PIK3C2G: variants seen among roughly 807,000 people sequenced by gnomAD.
PIK3C2G encodes the protein phosphatidylinositol-4-phosphate 3-kinase catalytic subunit type 2 gamma.
Under a neutral mutation model 181.1 loss-of-function variants are expected in PIK3C2G, and 168 were observed. That is an observed-to-expected ratio of 0.93 (90% CI 0.82 to 1.05). The LOEUF is 1.05. PIK3C2G is among the 50% of genes least tolerant of loss of function. The pLI is 0.00. For synonymous variants in PIK3C2G, 573 were observed against 592.2 expected (o/e 0.97, Z 0.47); for missense variants, 1,869 against 1,732.8 (o/e 1.08, Z -1.40).
the PIK3C2G span, among the ~76,000 whole-genome samples, chr12:18,666,492 A>G: frequency 2.0e-5 from 3 of 152,178 alleles, no homozygotes; most frequent in Non-Finnish European, 2.9e-5. Context: ...AGGACATTAT[A>G]TAATATAAAA....
At chr12:18,273,824 A>T (rs1948853428) in intron 1 of PIK3C2G, among the ~76,000 whole-genome samples, 1 of 152,176 alleles carries the variant, frequency 6.6e-6, no homozygotes, top group Admixed American at 6.6e-5. Context: ...TAAACTAAAT[A>T]GCTTCTGCAG....
At chr12:18,377,458 G>T (rs1438994165) in intron 13 of PIK3C2G, among the ~76,000 whole-genome samples, 1 of 152,136 alleles carries the variant, frequency 6.6e-6, no homozygotes, top group Non-Finnish European at 1.5e-5. Flanking sequence ...TGATTACATG[G>T]ATGTGTTGCG....
chr12:18,718,593 G>T, the PIK3C2G span, among the ~76,000 whole-genome samples: 1 of 151,754 alleles, frequency 6.6e-6, no homozygotes, highest in Non-Finnish European at 1.5e-5. Context: ...CTTCCCACTA[G>T]ATGTTTCTAA....
chr12:18,721,918 A>G, the PIK3C2G span, among the ~76,000 whole-genome samples: 3 of 151,978 alleles, frequency 2.0e-5, no homozygotes, highest in East Asian at 5.8e-4. Context: ...CTGAGTCATG[A>G]AGCCAAAATC....
intron 3 of PIK3C2G, among the ~76,000 whole-genome samples, chr12:18,287,411 T>G (rs1565557004): frequency 6.6e-6 from 1 of 152,200 alleles, no homozygotes. Context: ...CACTGGCAGA[T>G]ATTCCAAAAA....
intron 15 of PIK3C2G, among the ~76,000 whole-genome samples, chr12:18,398,256 G>T (rs1944012091): frequency 6.6e-6 from 1 of 152,094 alleles, no homozygotes; most frequent in Admixed American, 6.5e-5. Context: ...CTAAAAAAAA[G>T]AAAGAAAGCA....
At chr12:18,423,912 T>C (rs748585028) in intron 17 of PIK3C2G, 33 bp from the exon 18 acceptor site, 3 of 1,371,962 alleles carry the variant, frequency 2.2e-6, no homozygotes, top group Non-Finnish European at 3.1e-6. Flanking sequence ...ATTTTGTTAC[T>C]GAGAAGTAAA....
chr12:18,456,564 A>C (rs1947640831), intron 18 of PIK3C2G, among the ~76,000 whole-genome samples: 1 of 152,060 alleles, frequency 6.6e-6, no homozygotes, highest in Admixed American at 6.6e-5. Context: ...CCCCAACCTA[A>C]TCTTTTATTA....
At chr12:18,262,773 C>T (rs918351069) in intron 1 of PIK3C2G, among the ~76,000 whole-genome samples, 2 of 152,054 alleles carry the variant, frequency 1.3e-5, no homozygotes, top group Admixed American at 6.6e-5. Context: ...TCATTTTGGT[C>T]GTGAGGAAGC....
At chr12:18,606,223 A>C (rs1484854117) in intron 30 of PIK3C2G, among the ~76,000 whole-genome samples, 8 of 152,142 alleles carry the variant, frequency 5.3e-5, no homozygotes, top group Admixed American at 1.3e-4. Context: ...TACTTTTACT[A>C]TTTAGGCAGT....
intron 10 of PIK3C2G, 147 bp downstream of exon 10, chr12:18,343,507 G>C (rs1939349211): frequency 2.4e-6 from 1 of 419,552 alleles, no homozygotes; most frequent in Non-Finnish European, 4.3e-6. Context: ...TTTTTGAGGA[G>C]AAAGATGCTT....
rs147596593 is a variant in PIK3C2G, at chr12:18,271,374, A to G, written c.-79+9797A>G. Among the ~76,000 whole-genome samples, 36 of 152,248 alleles carry G rather than the reference A, an allele frequency of 2.4e-4. No homozygotes were observed. In the East Asian group the frequency reaches 6.6e-3, roughly 28 times the overall value. On this transcript the variant is annotated intron_variant, in intron 1 of 32. Coordinates refer to ENST00000538779, the MANE Select transcript of PIK3C2G (RefSeq NM_001288772.2). The stretch of plus-strand genomic sequence containing the variant: ...CCATTCAATCATGATTTTTCTAAAT[A>G]AGGTCATTTATTCCTTTTAGTAATA...
intron 24 of PIK3C2G, among the ~76,000 whole-genome samples, chr12:18,516,542 A>G (rs981172474): frequency 6.6e-6 from 1 of 152,062 alleles, no homozygotes; most frequent in Non-Finnish European, 1.5e-5. Context: ...TTCAGACATT[A>G]TATCCTTAAA....
At chr12:18,281,903 G>C in intron 1 of PIK3C2G, 101 bp from the exon 2 acceptor site, 2 of 545,616 alleles carry the variant, frequency 3.7e-6, no homozygotes, top group Non-Finnish European at 3.3e-6. Context: ...CTAAAAAAAA[G>C]CCCACAAAAC....
chr12:18,451,909 C>G (rs1947384617), intron 18 of PIK3C2G, among the ~76,000 whole-genome samples: 1 of 152,164 alleles, frequency 6.6e-6, no homozygotes, highest in South Asian at 2.1e-4. Context: ...CCTTGCATCC[C>G]AGGGATGAAG....
chr12:18,538,390 G>T (rs1432097270), intron 25 of PIK3C2G, 78 bp downstream of exon 25: 2 of 1,251,608 alleles, frequency 1.6e-6, no homozygotes, highest in Non-Finnish European at 2.2e-6. Flanking sequence ...TTTTACTAAT[G>T]GCTTGGAGTT....
At chr12:18,671,004 C>A in the PIK3C2G span, among the ~76,000 whole-genome samples, 1 of 151,756 alleles carries the variant, frequency 6.6e-6, no homozygotes, top group African/African-American at 2.4e-5. Flanking sequence ...ATGGTGAAAC[C>A]CTGTCTCCAC....
chr12:18,440,901 C>T (rs1011435217), intron 18 of PIK3C2G, among the ~76,000 whole-genome samples: 1 of 151,920 alleles, frequency 6.6e-6, no homozygotes, highest in Non-Finnish European at 1.5e-5. Flanking sequence ...TGGGCTAGAA[C>T]TAAAAATGAG....
At chr12:18,718,968 T>A in the PIK3C2G span, among the ~76,000 whole-genome samples, 1 of 152,192 alleles carries the variant, frequency 6.6e-6, no homozygotes, top group East Asian at 1.9e-4. Flanking sequence ...CATACAAGTC[T>A]ATAAAAATCA....
Sources: gnomAD v4.1 joint callset for allele counts (sites outside exome capture counted in the v4.1 genomes callset) on GRCh38, gnomAD v4.1.1 for gene constraint, MANE v1.5 for transcripts, NCBI Gene and HGNC (gene_info 2026-07-23, HGNC 2026-07-21) for gene names.